Variants in RCOR1 observed in about 807,000 individuals in gnomAD.
The protein encoded by RCOR1 is REST corepressor 1.
A neutral mutation model predicts 64.0 loss-of-function variants in RCOR1; 12 were observed. The observed-to-expected ratio is 0.19, with a 90% CI of 0.12 to 0.30. The LOEUF (loss-of-function observed/expected upper bound fraction) is 0.30, where lower values mean the gene tolerates loss of function less well. RCOR1 is among the 10% of genes least tolerant of loss of function. The probability of loss-of-function intolerance (pLI) is 1.00; values close to 1 mark genes in which losing one functional copy is unlikely to be tolerated. For synonymous variants in RCOR1, 279 were observed against 227.2 expected (o/e 1.23, Z -2.05); for missense variants, 502 against 621.2 (o/e 0.81, Z 2.04).
chr14:102,706,357 TAAAGTG>T (rs1231705392), intron 4 of RCOR1, among the ~76,000 whole-genome samples: 3 of 151,958 alleles, frequency 2.0e-5, no homozygotes, highest in African/African-American at 7.3e-5. Context: ...AACACAATTT[TAAAGTG>T]AAAGGGTGGA....
At chr14:102,672,426 A>T (rs1229983791) in intron 2 of RCOR1, among the ~76,000 whole-genome samples, 1 of 151,850 alleles carries the variant, frequency 6.6e-6, no homozygotes, top group Non-Finnish European at 1.5e-5. Context: ...GTTAGCCAGG[A>T]TGGTCTCCAT....
chr14:102,661,394 A>AAACCTGACT (rs1894820900), intron 2 of RCOR1, among the ~76,000 whole-genome samples: 1 of 152,172 alleles, frequency 6.6e-6, no homozygotes, highest in South Asian at 2.1e-4. Flanking sequence ...GGGCTTTAAA[A>AAACCTGACT]AACCTGACTG....
intron 2 of RCOR1, among the ~76,000 whole-genome samples, chr14:102,676,968 A>G (rs1895182652): frequency 1.2e-5 from 1 of 86,048 alleles, no homozygotes; most frequent in Admixed American, 1.1e-4. Flanking sequence ...CTCACTTCCC[A>G]GTAGGGGCGG....
At chr14:102,664,602 T>G (rs1347847388) in intron 2 of RCOR1, among the ~76,000 whole-genome samples, 1 of 152,210 alleles carries the variant, frequency 6.6e-6, no homozygotes, top group African/African-American at 2.4e-5. Context: ...TCTACATGAG[T>G]TGCTGCCCAG....
rs1197427294 is a variant in RCOR1 at position 102,714,512 on chromosome 14, A to G, written c.948A>G (p.Gly316=). Reference sequence around the variant, plus strand: ...GAGCAAAAAGGAAACCTCCAAAAGGAATGTTTCTTTCTCAAGAAGATGTGG... The same window carrying G: ...GAGCAAAAAGGAAACCTCCAAAAGGGATGTTTCTTTCTCAAGAAGATGTGG... ...KNRAKRKPPK[G]MFLSQEDVEA... The change falls in exon 8 of 12, where the codon GGA becomes GGG. Residue 316 remains glycine, a synonymous_variant. Transcript: ENST00000262241. 1 of 1,614,024 alleles carries G rather than the reference A, an allele frequency of 6.2e-7. No homozygotes were observed. Among genetic ancestry groups the G allele is most frequent in the Non-Finnish European group, 8.5e-7 (1 of 1,179,882 alleles).
chr14:102,708,231 C>T (rs566361007), intron 5 of RCOR1, among the ~76,000 whole-genome samples: 1 of 152,280 alleles, frequency 6.6e-6, no homozygotes, highest in African/African-American at 2.4e-5. Flanking sequence ...TCCCAAAGTG[C>T]TGGGATTACA....
In RCOR1 at chr14:102,598,207, C is replaced by T. The variant is rs553147497; in HGVS notation, c.361+4882C>T. Among the ~76,000 whole-genome samples, 4 of 152,228 alleles carry T rather than the reference C, an allele frequency of 2.6e-5. No individual in the cohort carries two copies. In the East Asian group the frequency reaches 5.8e-4, roughly 22 times the overall value. On this transcript the variant is annotated intron_variant, in intron 2 of 11. Transcript: ENST00000262241. Reference sequence around the variant, plus strand: ...CTGACCTCAGGTGATCCACTCACCTCGGCCTCCCAAAGTGTTGGGATTACA... The same window carrying T: ...CTGACCTCAGGTGATCCACTCACCTTGGCCTCCCAAAGTGTTGGGATTACA...
intron 2 of RCOR1, among the ~76,000 whole-genome samples, chr14:102,609,971 C>A (rs977561240): frequency 2.0e-5 from 3 of 151,898 alleles, no homozygotes; most frequent in Admixed American, 2.0e-4. Flanking sequence ...CATGGTGAAA[C>A]CCTGTCTCTA....
At chr14:102,631,021 A>G (rs1431500048) in intron 2 of RCOR1, among the ~76,000 whole-genome samples, 1 of 152,076 alleles carries the variant, frequency 6.6e-6, no homozygotes, top group Non-Finnish European at 1.5e-5. Context: ...GTTCAGGGCA[A>G]ACATTCCCAG....
chr14:102,612,626 G>T (rs1893654521), intron 2 of RCOR1, among the ~76,000 whole-genome samples: 1 of 152,040 alleles, frequency 6.6e-6, no homozygotes, highest in Non-Finnish European at 1.5e-5. Context: ...GTAAGCCACT[G>T]CACCCAGCCT....
intron 8 of RCOR1, 40 bp downstream of exon 8, chr14:102,714,657 A>C (rs750863116): frequency 6.9e-7 from 1 of 1,448,270 alleles, no homozygotes; most frequent in East Asian, 2.3e-5. Flanking sequence ...AGAATTAATT[A>C]GCACTTTAGA....
chr14:102,695,276 C>T (rs897899064), intron 3 of RCOR1: 2 of 152,220 alleles, frequency 1.3e-5, no homozygotes, highest in Admixed American at 6.5e-5. Flanking sequence ...TAACTTCATT[C>T]AAGCTAGATA....
chr14:102,616,916 A>G (rs554814140), intron 2 of RCOR1, among the ~76,000 whole-genome samples: 11 of 152,326 alleles, frequency 7.2e-5, no homozygotes, highest in Admixed American at 2.6e-4. Flanking sequence ...AGTTGAAACC[A>G]TTTGTCATCC....
chr14:102,597,235 G>A (rs1893273201), intron 2 of RCOR1, among the ~76,000 whole-genome samples: 1 of 152,070 alleles, frequency 6.6e-6, no homozygotes, highest in Non-Finnish European at 1.5e-5. Flanking sequence ...CAGAGAGGTG[G>A]ACGTGAAACT....
intron 2 of RCOR1, among the ~76,000 whole-genome samples, chr14:102,675,435 C>T (rs1157442675): frequency 6.6e-6 from 1 of 152,126 alleles, no homozygotes; most frequent in Admixed American, 6.5e-5. Context: ...ACAATTATAA[C>T]AATATGCCAA....
chr14:102,634,601 CGTGTGTGTGT>C (rs1555463064), intron 2 of RCOR1, among the ~76,000 whole-genome samples: 1 of 150,724 alleles, frequency 6.6e-6, no homozygotes, highest in Non-Finnish European at 1.5e-5. Flanking sequence ...GTTTATATTA[CGTGTGTGTGT>C]GTATGTATGT....
At chr14:102,620,310 G>T (rs1344965689) in intron 2 of RCOR1, among the ~76,000 whole-genome samples, 1 of 152,164 alleles carries the variant, frequency 6.6e-6, no homozygotes, top group Non-Finnish European at 1.5e-5. Flanking sequence ...GCTCACGCCT[G>T]TAATCCCAGC....
intron 10 of RCOR1, among the ~76,000 whole-genome samples, 185 bp from the exon 11 acceptor site, chr14:102,722,002 C>A (rs79487711): frequency 1.3e-5 from 2 of 152,050 alleles, no homozygotes; most frequent in Admixed American, 6.6e-5. Context: ...ATGACAGGGT[C>A]GGTCATCTCC....
intron 8 of RCOR1, among the ~76,000 whole-genome samples, chr14:102,715,288 G>C (rs1287465005): frequency 1.3e-5 from 2 of 151,306 alleles, no homozygotes; most frequent in Admixed American, 1.3e-4. Flanking sequence ...AGCCAGGATG[G>C]TCTCGATCTC....
Sources: allele counts gnomAD v4.1 joint callset (sites outside exome capture counted in the v4.1 genomes callset), GRCh38; gene constraint gnomAD v4.1.1; transcripts MANE v1.5; gene names NCBI Gene and HGNC (gene_info 2026-07-23, HGNC 2026-07-21).